Variants in NTM observed in about 807,000 individuals in gnomAD.
The protein encoded by NTM is neurotrimin.
In NTM, 13 loss-of-function variants were observed where a neutral mutation model predicts 42.1. The ratio of observed to expected loss-of-function variants is 0.31; its 90% CI spans 0.20 to 0.49. The LOEUF (loss-of-function observed/expected upper bound fraction) is 0.49, where lower values mean the gene tolerates loss of function less well. Ranked by LOEUF, NTM falls within the 20% of genes least tolerant of loss-of-function variation. The pLI, the probability that NTM is intolerant of heterozygous loss-of-function variation, is 0.99. For missense variants in NTM, 373 were observed against 452.8 expected, an observed-to-expected ratio of 0.82 and a Z score of 1.60; for synonymous variants, 187 against 179.2, an observed-to-expected ratio of 1.04 and a Z score of -0.35.
chr11:132,200,163 A>C (rs11222971), intron 3 of NTM, among the ~76,000 whole-genome samples: 8,106 of 152,240 alleles, frequency 0.053, 386 homozygotes, highest in East Asian at 0.13. Context: ...ATTTAGTGGC[A>C]ATAAGGTCTT....
In NTM at chr11:131,857,458, AATC is replaced by A. The variant is rs1378024900; in HGVS notation, c.83-54100_83-54098del. On this transcript the variant is annotated intron_variant, in intron 1 of 8. Coordinates refer to ENST00000683400, the MANE Select transcript of NTM (RefSeq NM_001352005.2). Reference sequence around the variant, plus strand: ...GTGGCCCTCAATGAGTCCAGCTGGAAATCATCATTTCTCCTCTCCCTCCCATAG... The same window carrying A: ...GTGGCCCTCAATGAGTCCAGCTGGAAATCATTTCTCCTCTCCCTCCCATAG... 2.6e-5 allele frequency among the ~76,000 whole-genome samples: 4 copies of A among 152,138 alleles called. No homozygotes were observed. The East Asian group carries it at 7.7e-4, about 29-fold the overall frequency.
intron 1 of NTM, among the ~76,000 whole-genome samples, chr11:131,857,954 C>T (rs190983278): frequency 1.3e-5 from 2 of 152,230 alleles, no homozygotes; most frequent in African/African-American, 4.8e-5. Flanking sequence ...TTGTCTGGTT[C>T]CTGACAGCTC....
chr11:131,457,557 A>G (rs1459617177), intron 1 of NTM, among the ~76,000 whole-genome samples: 1 of 152,190 alleles, frequency 6.6e-6, no homozygotes, highest in Non-Finnish European at 1.5e-5. Context: ...AAGAGGAAGT[A>G]TGCCAGAAAT....
chr11:132,069,441 C>A (rs1363386685), intron 2 of NTM, among the ~76,000 whole-genome samples: 2 of 121,260 alleles, frequency 1.6e-5, no homozygotes, highest in African/African-American at 7.1e-5. Flanking sequence ...ACACGTCACA[C>A]AGCCAAGTTA....
At chr11:131,785,048 G>A (rs992568864) in intron 1 of NTM, among the ~76,000 whole-genome samples, 1 of 152,166 alleles carries the variant, frequency 6.6e-6, no homozygotes, top group African/African-American at 2.4e-5. Context: ...GTGTGTCTGT[G>A]TGGGTACACA....
chr11:131,768,911 G>A (rs922913172), intron 1 of NTM, among the ~76,000 whole-genome samples: 13 of 152,108 alleles, frequency 8.5e-5, no homozygotes, highest in African/African-American at 2.7e-4. Flanking sequence ...AGACATTTTT[G>A]TATTACTTTT....
chr11:132,271,447 A>C (rs897867233), intron 4 of NTM, among the ~76,000 whole-genome samples: 3 of 152,118 alleles, frequency 2.0e-5, no homozygotes, highest in African/African-American at 7.2e-5. Context: ...GGTTAACTAC[A>C]TTTCACCCTT....
intron 2 of NTM, among the ~76,000 whole-genome samples, chr11:131,916,416 A>T (rs368826030): frequency 2.6e-5 from 4 of 152,222 alleles, no homozygotes; most frequent in South Asian, 2.1e-4. Flanking sequence ...TGAACGCTGC[A>T]TTCCATCGCG....
intron 1 of NTM, among the ~76,000 whole-genome samples, chr11:131,895,108 T>C (rs1211444345): frequency 2.0e-5 from 3 of 152,198 alleles, no homozygotes; most frequent in Non-Finnish European, 2.9e-5. Context: ...AACCTGCAGC[T>C]CTATTCGGTG....
At chr11:132,195,443 A>G (rs1592149202) in intron 3 of NTM, among the ~76,000 whole-genome samples, 1 of 151,976 alleles carries the variant, frequency 6.6e-6, no homozygotes, top group East Asian at 1.9e-4. Context: ...TTAGAAAATA[A>G]AAACTGTACT....
At chr11:131,565,445 G>C (rs978768544) in intron 1 of NTM, among the ~76,000 whole-genome samples, 1 of 152,144 alleles carries the variant, frequency 6.6e-6, no homozygotes, top group African/African-American at 2.4e-5. Flanking sequence ...CGGTGAGAGC[G>C]GGGTTGGTTC....
intron 2 of NTM, among the ~76,000 whole-genome samples, chr11:131,949,777 G>T (rs1205370120): frequency 6.6e-6 from 1 of 152,098 alleles, no homozygotes; most frequent in Non-Finnish European, 1.5e-5. Flanking sequence ...AGCTTTTCAG[G>T]TCCTTTTCAG....
At chr11:131,610,025 T>C (rs1157936146) in intron 1 of NTM, among the ~76,000 whole-genome samples, 8 of 152,212 alleles carry the variant, frequency 5.3e-5, no homozygotes, top group Admixed American at 4.6e-4. Flanking sequence ...AAAATCACCC[T>C]AGCAGCATCT....
chr11:131,753,619 AT>A (rs1366416701), intron 1 of NTM, among the ~76,000 whole-genome samples: 1 of 148,364 alleles, frequency 6.7e-6, no homozygotes, highest in East Asian at 2.0e-4. Context: ...GGAAATCATC[AT>A]TCTCAGTAAA....
intron 1 of NTM, among the ~76,000 whole-genome samples, chr11:131,845,478 CAG>C (rs1330897782): frequency 6.6e-6 from 1 of 152,070 alleles, no homozygotes; most frequent in African/African-American, 2.4e-5. Flanking sequence ...CCCAGAAATG[CAG>C]AGTCTCAGGC....
chr11:131,754,391 A>G lies in NTM; in HGVS notation c.83-157173A>G, dbSNP rs1346554538. On this transcript the variant is annotated intron_variant, in intron 1 of 8. Coordinates refer to ENST00000683400, the MANE Select transcript of NTM (RefSeq NM_001352005.2). ...TGTAATCCCAGCACTTTGGGAGGCC[A>G]AGGCAGGCAGATCACTTGAGGTCAG... Among the ~76,000 whole-genome samples the G allele has an allele frequency of 6.6e-5, 10 of 152,134 alleles. No individual in the cohort carries two copies. In the East Asian group the frequency reaches 1.9e-3, roughly 29 times the overall value.
intron 1 of NTM, among the ~76,000 whole-genome samples, chr11:131,751,971 A>T (rs2082615549): frequency 6.6e-6 from 1 of 152,178 alleles, no homozygotes; most frequent in African/African-American, 2.4e-5. Flanking sequence ...AAATTGCTTC[A>T]TAAATGCAGA....
chr11:131,616,776 G>GTGTGTGT (rs2061976221), intron 1 of NTM, among the ~76,000 whole-genome samples: 2 of 143,176 alleles, frequency 1.4e-5, no homozygotes, highest in African/African-American at 5.2e-5. Context: ...CTGTCTTGAG[G>GTGTGTGT]GGGTGTGTGT....
chr11:131,477,211 T>C (rs1405834747), intron 1 of NTM, among the ~76,000 whole-genome samples: 2 of 152,080 alleles, frequency 1.3e-5, no homozygotes, highest in Admixed American at 6.5e-5. Context: ...GCAGCAATTA[T>C]AAGAATCCTA....
Sources: allele counts gnomAD v4.1 joint callset (sites outside exome capture counted in the v4.1 genomes callset), GRCh38; gene constraint gnomAD v4.1.1; transcripts MANE v1.5; gene names NCBI Gene and HGNC (gene_info 2026-07-23, HGNC 2026-07-21).